Variants in VCAM1 observed in about 807,000 individuals in gnomAD.
The protein encoded by VCAM1 is vascular cell adhesion molecule 1.
Under a neutral mutation model 63.8 loss-of-function variants are expected in VCAM1, and 41 were observed. The observed-to-expected ratio is 0.64, with a 90% CI of 0.50 to 0.83. The LOEUF is 0.83. Ranked by LOEUF, VCAM1 falls within the 40% of genes least tolerant of loss-of-function variation. The probability of loss-of-function intolerance (pLI) is 0.00; values close to 1 mark genes in which losing one functional copy is unlikely to be tolerated. For missense variants in VCAM1, 798 were observed against 875.5 expected (o/e 0.91, Z 1.12); for synonymous variants, 338 against 320.7 (o/e 1.05, Z -0.58).
At chr1:100,727,458 A>G (rs1660213880) in intron 4 of VCAM1, among the ~76,000 whole-genome samples, 2 of 152,152 alleles carry the variant, frequency 1.3e-5, no homozygotes, top group African/African-American at 4.8e-5. Flanking sequence ...AAAAGTGTGT[A>G]AAGCTAATCA....
intron 4 of VCAM1, 68 bp downstream of exon 4, chr1:100,724,958 C>A: frequency 6.4e-7 from 1 of 1,558,524 alleles, no homozygotes. Flanking sequence ...GTCAACACAG[C>A]TTCAATGCTG....
chr1:100,720,806 T>C (rs1659930022), intron 2 of VCAM1, 55 bp downstream of exon 2: 3 of 1,531,460 alleles, frequency 2.0e-6, no homozygotes, highest in Non-Finnish European at 2.6e-6. Flanking sequence ...AAAATCACTT[T>C]TTAAAAATGA....
intron 4 of VCAM1, 139 bp from the exon 5 acceptor site, chr1:100,728,968 G>A (rs1362283917): frequency 9.8e-7 from 1 of 1,016,314 alleles, no homozygotes; most frequent in African/African-American, 1.6e-5. Flanking sequence ...ATGGTCCCAA[G>A]GTGGAAAAGA....
At chr1:100,734,114 C>A (rs550150733) in intron 7 of VCAM1, among the ~76,000 whole-genome samples, 2 of 152,260 alleles carry the variant, frequency 1.3e-5, no homozygotes, top group East Asian at 3.9e-4. Flanking sequence ...CATTAACTAT[C>A]ATGAGAACAG....
At chr1:100,720,855 G>A (rs1659931898) in intron 2 of VCAM1, 104 bp downstream of exon 2, 1 of 1,325,636 alleles carries the variant, frequency 7.5e-7, no homozygotes, top group Non-Finnish European at 1.0e-6. Flanking sequence ...TTCATGTACA[G>A]ATTCTTGGCT....
chr1:100,728,714 G>GT (rs1660269516), intron 4 of VCAM1, among the ~76,000 whole-genome samples: 4 of 67,682 alleles, frequency 5.9e-5, no homozygotes, highest in African/African-American at 1.9e-4. Context: ...GATTAAATGA[G>GT]AATATATATA....
In VCAM1 at chr1:100,731,664, A is replaced by G; in HGVS notation, c.1525+146A>G. On this transcript the variant is annotated intron_variant, in intron 6 of 8. Transcript: ENST00000294728. This position sits in a 1 kb window ranked among gnomAD's most constrained non-coding sequence, Gnocchi z 4.2. ...AAATTTCAAAATAATGATGATTGTA[A>G]CAAATCACCCTCCCTAAACTTAAAA... 1.2e-6 allele frequency: 1 copy of G among 803,584 alleles called. No homozygotes were observed. Among genetic ancestry groups the G allele is most frequent in the South Asian group, 1.9e-5 (1 of 51,898 alleles). 49.8% of individuals were successfully genotyped at this position (803,584 alleles called of 1,614,324 possible). A position where few individuals can be genotyped will look rare whatever the true frequency, so the allele number is the denominator to read the frequency against.
At chr1:100,728,843 T>C (rs953469578) in intron 4 of VCAM1, among the ~76,000 whole-genome samples, 5 of 151,954 alleles carry the variant, frequency 3.3e-5, no homozygotes, top group Non-Finnish European at 5.9e-5. Context: ...TACTCTATTA[T>C]TGCTGTGAAG....
At position 100,734,550 on chromosome 1, in the gene VCAM1, A is replaced by G. The variant is rs568303508; in HGVS notation, c.1841A>G (p.Lys614Arg). 6.2e-7 allele frequency: 1 copy of G among 1,613,778 alleles called. No individual in the cohort carries two copies. The highest frequency in any genetic ancestry group is 1.7e-5 in the Admixed American group (1 of 59,946). ...ACAGCTTTTCCTTCTGAGAGTGTCA[A>G]AGAAGGAGACACTGTCATCATCTCT... ...KLTAFPSESV[K>R]EGDTVIISCT... Residue 614 changes from lysine (K) to arginine (R), a missense_variant, in exon 8 of 9, where the codon AAA becomes AGA. Physicochemically the swap from Lys to Arg is conservative, Grantham distance 26 (BLOSUM62 2). Coordinates refer to ENST00000294728, the MANE Select transcript of VCAM1 (RefSeq NM_001078.4).
chr1:100,723,066 T>A lies in VCAM1; in HGVS notation c.387T>A (p.Ala129=). ...TTCATTTGAGTGGCCCTCTGGAGGC[T>A]GGGAAGCCGATCACAGTCAAGTGTT... ...PEIHLSGPLE[A]GKPITVKCSV... is the part of the protein sequence containing the mutation. The change falls in exon 3 of 9, where the codon GCT becomes GCA. Residue 129 remains alanine, a synonymous_variant. Coordinates refer to ENST00000294728, the MANE Select transcript of VCAM1 (RefSeq NM_001078.4). 1.9e-6 allele frequency: 3 copies of A among 1,612,734 alleles called. No homozygotes were observed. The South Asian group carries it at 3.3e-5, about 18-fold the overall frequency.
chr1:100,725,143 T>C (rs1463149393), intron 4 of VCAM1, among the ~76,000 whole-genome samples: 1 of 151,888 alleles, frequency 6.6e-6, no homozygotes, highest in Non-Finnish European at 1.5e-5. Context: ...ATTCCCTCAC[T>C]TTCTCTCTTC....
chr1:100,729,034 C>T, intron 4 of VCAM1, 73 bp from the exon 5 acceptor site: 2 of 1,438,128 alleles, frequency 1.4e-6, no homozygotes, highest in Non-Finnish European at 1.8e-6. Flanking sequence ...AAATAAAGAT[C>T]ATATGTCAGA....
chr1:100,737,994 C>A (rs1167573997), intron 8 of VCAM1, 129 bp from the exon 9 acceptor site: 1 of 1,027,810 alleles, frequency 9.7e-7, no homozygotes, highest in Non-Finnish European at 1.4e-6. Flanking sequence ...CCTGATGGTC[C>A]TTATCACTGC....
chr1:100,734,755 A>T lies in VCAM1; in HGVS notation c.2046A>T (p.Thr682=). 1 of 1,613,628 alleles carries T rather than the reference A, an allele frequency of 6.2e-7. No homozygotes were observed. Among genetic ancestry groups the T allele is most frequent in the East Asian group, 2.2e-5 (1 of 44,868 alleles). ...TTGGCTCACAATTAAGAAGTTTAAC[A>T]CTTGATGTTCAAGGTGAGTTTGTTT... ...NKVGSQLRSL[T]LDVQGRENNK... The change falls in exon 8 of 9, where the codon ACA becomes ACT. Residue 682 remains threonine, a synonymous_variant. Coordinates refer to ENST00000294728, the MANE Select transcript of VCAM1 (RefSeq NM_001078.4).
At chr1:100,734,075 C>T (rs914557249) in intron 7 of VCAM1, among the ~76,000 whole-genome samples, 9 of 152,124 alleles carry the variant, frequency 5.9e-5, no homozygotes, top group Non-Finnish European at 1.2e-4. Context: ...AAGTGCCACA[C>T]TTTAAAACCA....
At chr1:100,736,664 T>C (rs1164488655) in intron 8 of VCAM1, 2 of 152,190 alleles carry the variant, frequency 1.3e-5, no homozygotes, top group Non-Finnish European at 1.5e-5. Context: ...TGCCTATCCA[T>C]AATCATGTTG....
At chr1:100,723,367 T>C in intron 3 of VCAM1, 27 bp downstream of exon 3, 3 of 1,597,210 alleles carry the variant, frequency 1.9e-6, no homozygotes, top group South Asian at 2.2e-5. Context: ...TGTGTTCCAG[T>C]CTTTGTGGGA....
intron 5 of VCAM1, among the ~76,000 whole-genome samples, chr1:100,729,884 G>A (rs1377001011): frequency 6.6e-6 from 1 of 152,084 alleles, no homozygotes; most frequent in African/African-American, 2.4e-5. Context: ...CAGTGTCAGT[G>A]GCTCAGGTGA....
intron 2 of VCAM1, among the ~76,000 whole-genome samples, chr1:100,721,654 C>A (rs1402038025): frequency 6.6e-6 from 1 of 152,048 alleles, no homozygotes; most frequent in Non-Finnish European, 1.5e-5. Flanking sequence ...TTAATTGATT[C>A]TGCAACAAAC....
Sources: gnomAD v4.1 joint callset for allele counts (sites outside exome capture counted in the v4.1 genomes callset) on GRCh38, gnomAD v4.1.1 for gene constraint, Gnocchi (gnomAD v3.1) non-coding constraint, MANE v1.5 for transcripts, NCBI Gene and HGNC (gene_info 2026-07-23, HGNC 2026-07-21) for gene names.